The following COMMD1 variants were observed in gnomAD, a reference collection of about 807,000 sequenced individuals.
COMMD1 encodes the protein copper metabolism domain containing 1, also known as COMM domain-containing protein 1.
Under a neutral mutation model 17.2 loss-of-function variants are expected in COMMD1, and 10 were observed. That is an observed-to-expected ratio of 0.58 (90% CI 0.36 to 0.99). COMMD1 has a LOEUF of 0.99. COMMD1 is among the 50% of genes least tolerant of loss of function. The pLI, the probability that COMMD1 is intolerant of heterozygous loss-of-function variation, is 0.01. For missense variants in COMMD1, 270 were observed against 231.8 expected (o/e 1.17, Z -1.07); for synonymous variants, 97 against 91.6 (o/e 1.06, Z -0.34).
intron 2 of COMMD1, among the ~76,000 whole-genome samples, chr2:62,103,227 C>T (rs375441515): frequency 1.1e-4 from 17 of 152,260 alleles, no homozygotes; most frequent in East Asian, 5.8e-4. Flanking sequence ...ATCCGCCTGC[C>T]GGCCTCCCAA....
chr2:62,065,619 C>T (rs888145702), intron 2 of COMMD1, among the ~76,000 whole-genome samples: 4 of 151,924 alleles, frequency 2.6e-5, no homozygotes, highest in Non-Finnish European at 5.9e-5. Context: ...CACACCTGGC[C>T]CTTATATATA....
intron 1 of COMMD1, among the ~76,000 whole-genome samples, chr2:61,891,658 G>A (rs576869934): frequency 6.6e-6 from 1 of 151,744 alleles, no homozygotes; most frequent in Admixed American, 6.6e-5. Context: ...AACTCGGGAG[G>A]CAGAGGTTGT....
At chr2:61,912,418 G>T (rs1669928596) in intron 1 of COMMD1, among the ~76,000 whole-genome samples, 1 of 152,126 alleles carries the variant, frequency 6.6e-6, no homozygotes, top group African/African-American at 2.4e-5. Context: ...GACTAATCTG[G>T]CCTGTTGCCT....
intron 2 of COMMD1, among the ~76,000 whole-genome samples, chr2:62,111,485 G>A (rs1672453312): frequency 6.6e-6 from 1 of 152,232 alleles, no homozygotes; most frequent in South Asian, 2.1e-4. Context: ...AAGGCCTTTC[G>A]GTTCAGATTC....
At chr2:62,057,175 A>G (rs907835483) in intron 2 of COMMD1, among the ~76,000 whole-genome samples, 1 of 152,182 alleles carries the variant, frequency 6.6e-6, no homozygotes, top group Non-Finnish European at 1.5e-5. Flanking sequence ...ATTTCATTAT[A>G]TATTACAGTG....
intron 2 of COMMD1, among the ~76,000 whole-genome samples, chr2:62,052,216 T>C (rs1449570186): frequency 1.3e-5 from 2 of 152,172 alleles, no homozygotes; most frequent in Non-Finnish European, 2.9e-5. Context: ...TTTGGGAAGC[T>C]GACACTGGTG....
At chr2:62,101,413 A>T (rs762279284) in intron 2 of COMMD1, among the ~76,000 whole-genome samples, 80 of 152,208 alleles carry the variant, frequency 5.3e-4, no homozygotes, top group Non-Finnish European at 9.0e-4. Flanking sequence ...AGTCAAGACC[A>T]GCCTGGGCAA....
At chr2:62,083,280 A>AG (rs928550186) in intron 2 of COMMD1, among the ~76,000 whole-genome samples, 1 of 151,994 alleles carries the variant, frequency 6.6e-6, no homozygotes, top group African/African-American at 2.4e-5. Flanking sequence ...AAAAAAAAAA[A>AG]AGTCCTGGAT....
chr2:62,009,323 G>C (rs1033108313), intron 2 of COMMD1, among the ~76,000 whole-genome samples: 2 of 152,100 alleles, frequency 1.3e-5, no homozygotes, highest in African/African-American at 4.8e-5. Context: ...GAAAGAATAA[G>C]ACTGGGCATG....
chr2:61,932,475 T>G (rs1489949313), intron 1 of COMMD1, among the ~76,000 whole-genome samples: 1 of 152,188 alleles, frequency 6.6e-6, no homozygotes, highest in African/African-American at 2.4e-5. Flanking sequence ...ATTTCTTGGT[T>G]CACCATATAC....
intron 2 of COMMD1, among the ~76,000 whole-genome samples, chr2:62,120,543 A>G (rs1490958005): frequency 1.3e-5 from 2 of 152,028 alleles, no homozygotes; most frequent in African/African-American, 4.8e-5. Context: ...CTTCAGTGTG[A>G]TCTGCCTTTC....
intron 1 of COMMD1, among the ~76,000 whole-genome samples, chr2:61,943,804 C>T (rs1333358206): frequency 1.3e-5 from 2 of 152,174 alleles, no homozygotes; most frequent in Non-Finnish European, 2.9e-5. Flanking sequence ...CATTGCACTC[C>T]AGCCTTGGCG....
intron 1 of COMMD1, among the ~76,000 whole-genome samples, chr2:61,967,604 G>A (rs1671538453): frequency 6.6e-6 from 1 of 152,108 alleles, no homozygotes; most frequent in Non-Finnish European, 1.5e-5. Context: ...GTAGGCAGGT[G>A]GTGAAAACTA....
intron 2 of COMMD1, among the ~76,000 whole-genome samples, chr2:62,078,839 T>C (rs1671433748): frequency 6.7e-6 from 1 of 149,276 alleles, no homozygotes; most frequent in African/African-American, 2.5e-5. Context: ...ATTGCGCCAC[T>C]GCACTCCAGC....
intron 2 of COMMD1, among the ~76,000 whole-genome samples, chr2:62,056,103 A>C (rs1056470032): frequency 5.3e-5 from 8 of 152,338 alleles, no homozygotes; most frequent in Admixed American, 1.3e-4. Context: ...GGCTGCCATG[A>C]CTGGACAGCT....
At chr2:62,085,452 C>T (rs1163552468) in intron 2 of COMMD1, among the ~76,000 whole-genome samples, 1 of 151,896 alleles carries the variant, frequency 6.6e-6, no homozygotes, top group Non-Finnish European at 1.5e-5. Context: ...CTCCTGACCT[C>T]GTGATCCACT....
chr2:61,948,343 A>G (rs2103658805), intron 1 of COMMD1, among the ~76,000 whole-genome samples: 1 of 152,322 alleles, frequency 6.6e-6, no homozygotes, highest in African/African-American at 2.4e-5. Flanking sequence ...AAAAACACAT[A>G]CATTTAAAAA....
intron 1 of COMMD1, among the ~76,000 whole-genome samples, chr2:61,949,669 A>C (rs1365471803): frequency 6.6e-6 from 1 of 152,010 alleles, no homozygotes; most frequent in Non-Finnish European, 1.5e-5. Flanking sequence ...AAATAAAAAA[A>C]AGAATGATGT....
Position 62,014,542 on chromosome 2 carries a change from C to CTTTTTTTTTTTT in COMMD1, c.462+13586_462+13597dup, listed in dbSNP as rs67886279. Among the ~76,000 whole-genome samples the CTTTTTTTTTTTT allele has an allele frequency of 3.1e-4, 20 of 63,566 alleles. 3 individuals are homozygous for CTTTTTTTTTTTT. The highest frequency in any genetic ancestry group is 1.9e-3 in the East Asian group (3 of 1,568). The allele number at this position is 63,566 out of a possible 152,430, so 41.7% of individuals were successfully genotyped here. ...CATAACAAAATTTTACCATTTTAAC[C>CTTTTTTTTTTTT]TTTTTTTTTTTTTTTTTTTTTTTTT... On this transcript the variant is annotated intron_variant, in intron 2 of 2. Coordinates refer to ENST00000311832, the MANE Select transcript of COMMD1 (RefSeq NM_152516.4).
Sources: gnomAD v4.1 joint callset for allele counts (sites outside exome capture counted in the v4.1 genomes callset) on GRCh38, gnomAD v4.1.1 for gene constraint, MANE v1.5 for transcripts, NCBI Gene and HGNC (gene_info 2026-07-23, HGNC 2026-07-21) for gene names.